FRMPD4: variants seen among roughly 807,000 people sequenced by gnomAD.
FRMPD4 encodes the protein FERM and PDZ domain containing 4, also known as FERM and PDZ domain-containing protein 4.
A neutral mutation model predicts 94.1 loss-of-function variants in FRMPD4; 22 were observed. The observed-to-expected ratio is 0.23, with a 90% confidence interval of 0.17 to 0.33. The LOEUF (loss-of-function observed/expected upper bound fraction) is 0.33, where lower values mean the gene tolerates loss of function less well. FRMPD4 is among the 10% of genes least tolerant of loss of function. FRMPD4 has a pLI of 1.00. For missense variants in FRMPD4, 1,111 were observed against 1,339.9 expected (o/e 0.83, Z 2.67); for synonymous variants, 631 against 548.6 (o/e 1.15, Z -2.10).
At chrX:12,028,406 T>G (rs1184274800) in intron 3 of FRMPD4, among the ~76,000 whole-genome samples, 2 of 111,705 alleles carry the variant, frequency 1.8e-5, no homozygotes, top group African/African-American at 6.5e-5. Flanking sequence ...GCCCCACACA[T>G]GCATAGCCTT....
intron 1 of FRMPD4, among the ~76,000 whole-genome samples, chrX:12,427,804 G>A (rs1424052550): frequency 9.2e-6 from 1 of 109,158 alleles, no homozygotes; most frequent in Non-Finnish European, 1.9e-5. Context: ...TGAAAATAAC[G>A]CATAAGTCAC....
intron 4 of FRMPD4, among the ~76,000 whole-genome samples, chrX:12,654,651 T>C (rs7881145): frequency 0.016 from 1,745 of 111,401 alleles, 35 homozygotes; most frequent in African/African-American, 0.054. Flanking sequence ...TTTAGACAAA[T>C]TATTCAGCAT....
chrX:12,690,144 A>G, intron 7 of FRMPD4, 51 bp from the exon 8 acceptor site: 2 of 1,106,597 alleles, frequency 1.8e-6, no homozygotes, highest in Non-Finnish European at 2.5e-6. Flanking sequence ...TAGACTCCAC[A>G]AGATGGCAGC....
intron 2 of FRMPD4, among the ~76,000 whole-genome samples, chrX:11,867,045 AAT>A (rs1255655769): frequency 9.0e-6 from 1 of 111,116 alleles, no homozygotes; most frequent in Non-Finnish European, 1.9e-5. Context: ...TATTTAATAA[AAT>A]AGAGAAAATA....
At chrX:12,089,155 T>A (rs1218728735) in intron 3 of FRMPD4, among the ~76,000 whole-genome samples, 1 of 112,460 alleles carries the variant, frequency 8.9e-6, no homozygotes, top group Non-Finnish European at 1.9e-5. Flanking sequence ...CATTTTGGTG[T>A]CACATTTCAT....
At chrX:12,688,326 T>G (rs1335213428) in intron 7 of FRMPD4, among the ~76,000 whole-genome samples, 2 of 112,076 alleles carry the variant, frequency 1.8e-5, no homozygotes, top group African/African-American at 6.5e-5. Context: ...TAAATCTAAA[T>G]TGAAGAAAGC....
chrX:12,266,800 A>G (rs748791190), intron 1 of FRMPD4, among the ~76,000 whole-genome samples: 2 of 112,309 alleles, frequency 1.8e-5, no homozygotes, highest in African/African-American at 6.5e-5. Context: ...CTACGATTGT[A>G]TATTCAGAGT....
intron 1 of FRMPD4, among the ~76,000 whole-genome samples, chrX:12,225,943 T>C (rs1485928156): frequency 8.9e-6 from 1 of 111,878 alleles, no homozygotes; most frequent in Admixed American, 9.4e-5. Flanking sequence ...TGGAGGTATA[T>C]GACGTCAGCC....
At chrX:12,069,977 CAG>C (rs915012663) in intron 3 of FRMPD4, among the ~76,000 whole-genome samples, 5 of 111,477 alleles carry the variant, frequency 4.5e-5, no homozygotes, top group African/African-American at 1.6e-4. Context: ...GAAGAGGAGT[CAG>C]TGAATGTGGG....
At chrX:12,202,657 G>A (rs2147721544) in intron 1 of FRMPD4, among the ~76,000 whole-genome samples, 1 of 112,088 alleles carries the variant, frequency 8.9e-6, no homozygotes, top group Non-Finnish European at 1.9e-5. Flanking sequence ...CCTGGTACCT[G>A]TGAATGTAAC....
chrX:12,360,275 T>C (rs1277739166), intron 1 of FRMPD4, among the ~76,000 whole-genome samples: 1 of 111,994 alleles, frequency 8.9e-6, no homozygotes, highest in African/African-American at 3.2e-5. Context: ...ATCCTGAATC[T>C]GGTTGGGATT....
chrX:11,883,944 T>A (rs2053829417), intron 3 of FRMPD4, among the ~76,000 whole-genome samples: 1 of 111,759 alleles, frequency 8.9e-6, no homozygotes, highest in Admixed American at 9.5e-5. Context: ...GTTGATGTGG[T>A]CCCAGAACAA....
intron 1 of FRMPD4, among the ~76,000 whole-genome samples, chrX:12,170,418 C>T (rs1244454582): frequency 1.8e-5 from 2 of 110,985 alleles, no homozygotes; most frequent in Admixed American, 9.7e-5. Flanking sequence ...CCGTGAAATA[C>T]TGTAGCTTGT....
chrX:12,156,600 A>C (rs886724066), intron 1 of FRMPD4, among the ~76,000 whole-genome samples: 1 of 112,351 alleles, frequency 8.9e-6, no homozygotes, highest in Non-Finnish European at 1.9e-5. Flanking sequence ...GCAGAATTTG[A>C]GTTCACAAGA....
At chrX:12,687,990 C>T (rs1220387308) in intron 7 of FRMPD4, among the ~76,000 whole-genome samples, 1 of 111,970 alleles carries the variant, frequency 8.9e-6, no homozygotes, top group African/African-American at 3.2e-5. Context: ...CAAGGCCACC[C>T]AGTAAACAAA....
At chrX:12,358,435 G>A (rs2055928801) in intron 1 of FRMPD4, among the ~76,000 whole-genome samples, 1 of 111,138 alleles carries the variant, frequency 9.0e-6, no homozygotes, top group African/African-American at 3.3e-5. Context: ...ATATCTATTT[G>A]GTGATAGAGG....
intron 3 of FRMPD4, among the ~76,000 whole-genome samples, chrX:11,977,574 G>A (rs2147385638): frequency 8.9e-6 from 1 of 112,193 alleles, no homozygotes; most frequent in African/African-American, 3.2e-5. Flanking sequence ...ACAGCCCTTA[G>A]GCGGTCCTGA....
At chrX:11,884,106 A>G (rs1177705319) in intron 3 of FRMPD4, among the ~76,000 whole-genome samples, 3 of 109,399 alleles carry the variant, frequency 2.7e-5, no homozygotes, top group Non-Finnish European at 5.7e-5. Flanking sequence ...TCTGGCAGGC[A>G]AAGAACCCAT....
intron 3 of FRMPD4, among the ~76,000 whole-genome samples, chrX:12,071,007 A>G (rs2054962719): frequency 8.9e-6 from 1 of 112,085 alleles, no homozygotes; most frequent in Non-Finnish European, 1.9e-5. Context: ...ATTATTTCAC[A>G]GGATTTATGA....
Sources: allele counts gnomAD v4.1 joint callset (sites outside exome capture counted in the v4.1 genomes callset), GRCh38; gene constraint gnomAD v4.1.1; transcripts MANE v1.5; gene names NCBI Gene and HGNC (gene_info 2026-07-23, HGNC 2026-07-21).